Variants in PMEPA1 observed in about 807,000 individuals in gnomAD.
The protein encoded by PMEPA1 is prostate transmembrane protein, androgen induced 1.
Under a neutral mutation model 23.0 loss-of-function variants are expected in PMEPA1, and 11 were observed. The observed-to-expected ratio is 0.48, with a 90% CI of 0.30 to 0.79. The LOEUF (loss-of-function observed/expected upper bound fraction) is 0.79. PMEPA1 is among the 30% of genes least tolerant of loss of function. The pLI, the probability that PMEPA1 is intolerant of heterozygous loss-of-function variation, is 0.06. For missense variants in PMEPA1, 377 were observed against 390.9 expected (o/e 0.96, Z 0.30); for synonymous variants, 204 against 166.4 (o/e 1.23, Z -1.74).
At position 57,709,552 on chromosome 20, in the gene PMEPA1, C is replaced by T. The variant is rs532526691; in HGVS notation, c.31G>A (p.Ala11Thr). ...TTGGGCTGCCCGGCGGCGGCGGCGG[C>T]GGTGCTGTTGACCCCCATCAAGCGG... MHRLMGVNST[A>T]AAAAGQPNVS... is the part of the protein sequence containing the mutation. Residue 11 changes from alanine to threonine, a missense_variant, in exon 1 of 4, where the codon GCC (alanine) becomes ACC (threonine). By Grantham distance (58) the Ala-to-Thr change is moderately conservative. Coordinates refer to ENST00000341744, the MANE Select transcript of PMEPA1 (RefSeq NM_020182.5). 100 of 1,075,828 alleles carry T rather than the reference C, an allele frequency of 9.3e-5. No homozygotes were observed. The South Asian group carries it at 1.2e-3, about 13-fold the overall frequency. The allele number at this position is 1,075,828 out of a possible 1,614,324, so 66.6% of individuals were successfully genotyped here.
Position 57,709,915 on chromosome 20 carries a change from C to T in PMEPA1, c.-333G>A. 9.9e-7 allele frequency: 1 copy of T among 1,010,220 alleles called. No homozygotes were observed. Among genetic ancestry groups the T allele is most frequent in the Non-Finnish European group, 1.2e-6 (1 of 849,274 alleles). The allele number at this position is 1,010,220 out of a possible 1,614,324, so 62.6% of individuals were successfully genotyped here. ...CCGCTAGCTTTCCCCAGCCGAGCGC[C>T]TCCGCCGCCGCCGCCGCCGCCGCCT... On this transcript the variant is annotated 5_prime_UTR_variant, in exon 1 of 4. Coordinates refer to ENST00000341744, the MANE Select transcript of PMEPA1 (RefSeq NM_020182.5).
chr20:57,710,399 C>A, upstream of PMEPA1: 2 of 1,566,412 alleles, frequency 1.3e-6, no homozygotes, highest in Non-Finnish European at 1.7e-6. Flanking sequence ...AGCACAAGGT[C>A]CCTGGGGGCT....
intron 1 of PMEPA1, among the ~76,000 whole-genome samples, chr20:57,686,209 C>G (rs2071799485): frequency 6.6e-6 from 1 of 152,180 alleles, no homozygotes. Flanking sequence ...AATGGGGGAA[C>G]TAGTTTCTTC....
In PMEPA1 at chr20:57,658,525, T is replaced by C. The variant is rs541094406; in HGVS notation, c.264+1018A>G. Among the ~76,000 whole-genome samples, 3 of 151,994 alleles carry C rather than the reference T, an allele frequency of 2.0e-5. No individual in the cohort carries two copies. The East Asian group carries it at 5.8e-4, about 29-fold the overall frequency. On this transcript the variant is annotated intron_variant, in intron 2 of 3. Transcript: ENST00000341744. ...GTGTGCTGGGTAGAGATCTGTCAGG[T>C]GGATGGATGGATGGATGGAAGTGCT...
Position 57,661,682 on chromosome 20 carries a change from G to A in PMEPA1, c.110-1985C>T, listed in dbSNP as rs77924675. Among the ~76,000 whole-genome samples the A allele has an allele frequency of 8.4e-3, 1,272 of 152,270 alleles. 20 individuals carry two copies. The highest frequency in any genetic ancestry group is 0.029 in the African/African-American group (1,218 of 41,536). ...CGTGCAGAGCCGATGCCAGGCGCTC[G>A]GGCCATCAGACAGCCCAGGCAAGCA... is the stretch of plus-strand genomic sequence containing the variant. On this transcript the variant is annotated intron_variant, in intron 1 of 3. Transcript: ENST00000341744.
At chr20:57,693,167 G>A (rs2071904861) in intron 1 of PMEPA1, among the ~76,000 whole-genome samples, 1 of 152,198 alleles carries the variant, frequency 6.6e-6, no homozygotes, top group Non-Finnish European at 1.5e-5. Flanking sequence ...CCCAGGGCCA[G>A]GATCTCACAT....
Position 57,674,153 on chromosome 20 carries a change from A to G in PMEPA1, c.110-14456T>C, listed in dbSNP as rs78817816. On this transcript the variant is annotated intron_variant, in intron 1 of 3. Transcript: ENST00000341744. ...TGACCCCTGGTGTGGCTGCATGTAA[A>G]GACGGAGCCTCTAGGGAAGTAATTA... Among the ~76,000 whole-genome samples the G allele has an allele frequency of 6.6e-3, 998 of 152,316 alleles. 20 individuals are homozygous for G. The highest frequency in any genetic ancestry group is 0.022 in the African/African-American group (930 of 41,562).
intron 1 of PMEPA1, among the ~76,000 whole-genome samples, chr20:57,705,221 C>T (rs1259071822): frequency 5.3e-5 from 8 of 152,192 alleles, no homozygotes; most frequent in Non-Finnish European, 1.2e-4. Flanking sequence ...TTATTTTGTG[C>T]TTTGACAAAT....
intron 1 of PMEPA1, among the ~76,000 whole-genome samples, chr20:57,696,601 G>A (rs774062406): frequency 6.6e-6 from 1 of 152,246 alleles, no homozygotes; most frequent in Non-Finnish European, 1.5e-5. Flanking sequence ...TCAAAAAGCC[G>A]CGACGTCACC....
At chr20:57,669,406 C>A (rs2071537647) in intron 1 of PMEPA1, among the ~76,000 whole-genome samples, 1 of 152,158 alleles carries the variant, frequency 6.6e-6, no homozygotes, top group Admixed American at 6.5e-5. Flanking sequence ...AGGGATCCAC[C>A]CACCTCGGCC....
At position 57,658,746 on chromosome 20, in the gene PMEPA1, T is replaced by C. The variant is rs547456046; in HGVS notation, c.264+797A>G. Among the ~76,000 whole-genome samples, 21 of 152,276 alleles carry C rather than the reference T, an allele frequency of 1.4e-4. No individual in the cohort carries two copies. In the South Asian group the frequency reaches 4.1e-3, roughly 30 times the overall value. On this transcript the variant is annotated intron_variant, in intron 2 of 3. Coordinates refer to ENST00000341744, the MANE Select transcript of PMEPA1 (RefSeq NM_020182.5). Reference sequence around the variant, plus strand: ...TTAGGCCCCGGGACCTGGTGTCCTGTTGCCTCTATGGCTCTCCAAGGCATT... The same window carrying C: ...TTAGGCCCCGGGACCTGGTGTCCTGCTGCCTCTATGGCTCTCCAAGGCATT...
At chr20:57,671,984 G>C (rs773531500) in intron 1 of PMEPA1, among the ~76,000 whole-genome samples, 41 of 152,300 alleles carry the variant, frequency 2.7e-4, no homozygotes, top group South Asian at 2.5e-3. Context: ...ATTATTGTGG[G>C]GCAGAAATAA....
intron 1 of PMEPA1, among the ~76,000 whole-genome samples, chr20:57,689,736 G>C (rs1228696331): frequency 2.6e-5 from 4 of 152,068 alleles, no homozygotes; most frequent in Non-Finnish European, 4.4e-5. Context: ...GCCTCCCAGG[G>C]CCATGGGGAG....
chr20:57,702,368 G>C (rs2072023281), intron 1 of PMEPA1, among the ~76,000 whole-genome samples: 1 of 152,192 alleles, frequency 6.6e-6, no homozygotes, highest in African/African-American at 2.4e-5. Context: ...ACAGAGAGCT[G>C]GAGACAGAGA....
chr20:57,675,542 C>T (rs1568973466), intron 1 of PMEPA1, among the ~76,000 whole-genome samples: 1 of 152,230 alleles, frequency 6.6e-6, no homozygotes, highest in Non-Finnish European at 1.5e-5. Flanking sequence ...GACCCCTGGC[C>T]CACAGGCGGG....
intron 1 of PMEPA1, among the ~76,000 whole-genome samples, chr20:57,681,439 C>T (rs907617757): frequency 1.3e-5 from 2 of 152,186 alleles, no homozygotes; most frequent in Admixed American, 6.5e-5. Context: ...CGGGTGACAG[C>T]GAGAGACCTC....
chr20:57,703,524 C>A (rs1460493940), intron 1 of PMEPA1, among the ~76,000 whole-genome samples: 1 of 152,204 alleles, frequency 6.6e-6, no homozygotes. Context: ...ATTAAGGGAA[C>A]CCTGCTGGCA....
Position 57,659,665 on chromosome 20 carries a change from C to T in PMEPA1, c.142G>A (p.Val48Met), listed in dbSNP as rs756138703. The change falls in exon 2 of 4, where the codon GTG (valine) becomes ATG (methionine). Residue 48 changes from valine to methionine, a missense_variant. Coordinates refer to ENST00000341744, the MANE Select transcript of PMEPA1 (RefSeq NM_020182.5). ...ELEFVQIIII[V>M]VVMMVMVVVI... ...ACCACCATCACCATCATCACCACCA[C>T]GATGATGATGATCTGAACAAACTCC... The T allele has an allele frequency of 1.6e-5, 25 of 1,599,076 alleles. No individual in the cohort carries two copies. The highest frequency in any genetic ancestry group is 1.5e-4 in the South Asian group (13 of 88,626).
At chr20:57,699,175 T>C (rs2071979484) in intron 1 of PMEPA1, among the ~76,000 whole-genome samples, 1 of 152,208 alleles carries the variant, frequency 6.6e-6, no homozygotes, top group Non-Finnish European at 1.5e-5. Flanking sequence ...GTGCAGTCTG[T>C]GGGTGTTGCC....
Sources: gnomAD v4.1 joint callset for allele counts (sites outside exome capture counted in the v4.1 genomes callset) on GRCh38, gnomAD v4.1.1 for gene constraint, MANE v1.5 for transcripts, NCBI Gene and HGNC (gene_info 2026-07-23, HGNC 2026-07-21) for gene names.